Variants in NOL4L observed in about 807,000 individuals in gnomAD.
The protein encoded by NOL4L is nucleolar protein 4-like.
A neutral mutation model predicts 64.5 loss-of-function variants in NOL4L; 7 were observed. The observed-to-expected ratio is 0.11, with a 90% CI of 0.06 to 0.20. The LOEUF (loss-of-function observed/expected upper bound fraction) is 0.20. Among genes scored for constraint, NOL4L ranks in the 10% least tolerant of loss-of-function variants. The pLI, the probability that NOL4L is intolerant of heterozygous loss-of-function variation, is 1.00. For synonymous variants in NOL4L, 413 were observed against 401.0 expected (o/e 1.03, Z -0.36); for missense variants, 680 against 967.1 (o/e 0.70, Z 3.94).
chr20:32,488,422 C>A (rs1255171216), intron 4 of NOL4L, among the ~76,000 whole-genome samples: 2 of 152,146 alleles, frequency 1.3e-5, no homozygotes, highest in Non-Finnish European at 2.9e-5. Flanking sequence ...TTGATCTTTT[C>A]CCCAGAGGGA....
intron 2 of NOL4L, among the ~76,000 whole-genome samples, chr20:32,527,486 G>A (rs1399195873): frequency 1.3e-5 from 2 of 152,252 alleles, no homozygotes; most frequent in Admixed American, 1.3e-4. Flanking sequence ...CGGGGAAGAG[G>A]AGGGCGCCTC....
At chr20:32,496,909 G>C (rs1383237239) in intron 4 of NOL4L, among the ~76,000 whole-genome samples, 1 of 151,962 alleles carries the variant, frequency 6.6e-6, no homozygotes, top group South Asian at 2.1e-4. Flanking sequence ...GGGTCTGGTC[G>C]GCCGTGAGCA....
At chr20:32,452,147 C>G in intron 10 of NOL4L, 89 bp downstream of exon 10, 1 of 1,219,578 alleles carries the variant, frequency 8.2e-7, no homozygotes, top group South Asian at 2.1e-5. Flanking sequence ...GCCTCTGCTT[C>G]CCTCTCCCCA....
chr20:32,482,677 T>C (rs1272047996), intron 4 of NOL4L, among the ~76,000 whole-genome samples: 1 of 148,400 alleles, frequency 6.7e-6, no homozygotes, highest in Non-Finnish European at 1.5e-5. Flanking sequence ...CGGCTTCCGG[T>C]CAGACGGTGC....
intron 1 of NOL4L, among the ~76,000 whole-genome samples, chr20:32,538,323 G>A (rs1227806874): frequency 3.3e-5 from 5 of 152,262 alleles, no homozygotes; most frequent in African/African-American, 2.4e-5. Context: ...GTTGGGGGGT[G>A]CACACCAAGG....
At chr20:32,508,146 G>C (rs1014553631) in intron 4 of NOL4L, among the ~76,000 whole-genome samples, 1 of 152,306 alleles carries the variant, frequency 6.6e-6, no homozygotes, top group Middle Eastern at 3.4e-3. Context: ...GCATTTTGTG[G>C]TCAGAGTGAT....
chr20:32,537,175 C>T (rs1600853795), intron 1 of NOL4L: 2 of 935,072 alleles, frequency 2.1e-6, no homozygotes, highest in East Asian at 1.2e-4. Flanking sequence ...AGCCTGATCT[C>T]CCGTAGTCCT....
intron 4 of NOL4L, among the ~76,000 whole-genome samples, chr20:32,488,157 T>C (rs1043363522): frequency 3.3e-5 from 5 of 152,214 alleles, no homozygotes; most frequent in Admixed American, 6.5e-5. Context: ...CTCAAGCTCC[T>C]GGACTCAAGT....
chr20:32,576,187 T>G (rs1450550142), intron 1 of NOL4L, among the ~76,000 whole-genome samples: 1 of 152,084 alleles, frequency 6.6e-6, no homozygotes, highest in Non-Finnish European at 1.5e-5. Context: ...GACTTGGGGT[T>G]TCCAAGGTTT....
intron 10 of NOL4L, among the ~76,000 whole-genome samples, chr20:32,448,312 G>T (rs1428520637): frequency 6.6e-6 from 1 of 152,194 alleles, no homozygotes; most frequent in East Asian, 1.9e-4. Context: ...CCTGAGAGAT[G>T]CGTGTGGGGA....
At chr20:32,455,971 G>A (rs942784008) in intron 6 of NOL4L, 147 bp downstream of exon 6, 27 of 845,416 alleles carry the variant, frequency 3.2e-5, no homozygotes, top group Middle Eastern at 3.9e-4. Flanking sequence ...ACCAGGAACC[G>A]AACACATACC....
Position 32,464,898 on chromosome 20 carries a change from C to T in NOL4L, c.842-8503G>A, listed in dbSNP as rs1340748153. 9.9e-5 allele frequency: 42 copies of T among 425,672 alleles called. No homozygotes were observed. In the East Asian group the frequency reaches 1.1e-3, roughly 11 times the overall value. The allele number at this position is 425,672 out of a possible 1,614,324, so 26.4% of individuals were successfully genotyped here. On this transcript the variant is annotated intron_variant, in intron 5 of 10. Transcript: ENST00000621426. This position sits in a 1 kb window ranked among gnomAD's most constrained non-coding sequence, Gnocchi z 5.6. ...TTCACCTTCTTCTTTCCTACGGAGC[C>T]GCTGAGACGCAGCGTGTATTGCACA... is the stretch of plus-strand genomic sequence containing the variant.
intron 3 of NOL4L, chr20:32,519,980 G>C (rs1439526905): frequency 6.6e-6 from 1 of 152,100 alleles, no homozygotes; most frequent in African/African-American, 2.4e-5. Context: ...AGCCTGCCCT[G>C]GTCATTTTAA....
chr20:32,476,950 G>A (rs2015433571), intron 4 of NOL4L, among the ~76,000 whole-genome samples: 1 of 152,238 alleles, frequency 6.6e-6, no homozygotes, highest in East Asian at 1.9e-4. Context: ...AGCAGCAAGT[G>A]GGGCACAAGC....
chr20:32,444,767 CCT>C lies in NOL4L; in HGVS notation c.*2827_*2828del, dbSNP rs1243597119. ...AGGATCCCAAATGATCACTTTGTGC[CCT>C]GAGGCCCTTCAGAAGATTTTTAAAT... On this transcript the variant is annotated 3_prime_UTR_variant, in exon 11 of 11. Transcript: ENST00000621426. The C allele has an allele frequency of 6.6e-6, 1 of 152,166 alleles. No homozygotes were observed. The allele number at this position is 152,166 out of a possible 1,614,324, so 9.4% of individuals were successfully genotyped here. A position where few individuals can be genotyped will look rare whatever the true frequency, so the allele number is the denominator to read the frequency against.
Position 32,491,023 on chromosome 20 carries a change from G to A in NOL4L, c.700-16281C>T, listed in dbSNP as rs574596462. Among the ~76,000 whole-genome samples, 3 of 152,232 alleles carry A rather than the reference G, an allele frequency of 2.0e-5. No individual in the cohort carries two copies. In the South Asian group the frequency reaches 6.2e-4, roughly 32 times the overall value. ...TGCCTTTGACCACACATGTTTTTAGGCCTGTGTTCCTTCCACACATATGTA... is the reference window on the plus strand; with the variant it reads ...TGCCTTTGACCACACATGTTTTTAGACCTGTGTTCCTTCCACACATATGTA... On this transcript the variant is annotated intron_variant, in intron 4 of 10. Transcript: ENST00000621426.
At chr20:32,565,574 C>T (rs746092240) in intron 1 of NOL4L, among the ~76,000 whole-genome samples, 19 of 152,220 alleles carry the variant, frequency 1.2e-4, no homozygotes, top group Admixed American at 1.2e-3. Flanking sequence ...TCAGCCCTGC[C>T]TCACTGTCAG....
intron 1 of NOL4L, among the ~76,000 whole-genome samples, chr20:32,534,746 C>T (rs560046005): frequency 6.6e-6 from 1 of 151,396 alleles, no homozygotes; most frequent in African/African-American, 2.4e-5. Flanking sequence ...CTGGGCGTGG[C>T]GGCATTCGAC....
At chr20:32,457,504 C>T (rs1286744427) in intron 5 of NOL4L, among the ~76,000 whole-genome samples, 3 of 151,574 alleles carry the variant, frequency 2.0e-5, no homozygotes, top group East Asian at 1.9e-4. Context: ...ATTTAGTCCC[C>T]GGTGCTGGGC....
Sources: allele counts gnomAD v4.1 joint callset (sites outside exome capture counted in the v4.1 genomes callset), GRCh38; gene constraint gnomAD v4.1.1; non-coding constraint Gnocchi (gnomAD v3.1); transcripts MANE v1.5; gene names NCBI Gene and HGNC (gene_info 2026-07-23, HGNC 2026-07-21).